The following ADAMTSL1 variants were observed in gnomAD, a reference collection of about 807,000 sequenced individuals.
ADAMTSL1 encodes ADAMTS-like protein 1.
ADAMTSL1 carries 126 observed loss-of-function variants against 201.8 expected under a neutral mutation model. The ratio of observed to expected loss-of-function variants is 0.62; its 90% CI spans 0.54 to 0.72. The LOEUF is 0.72. Ranked by LOEUF, ADAMTSL1 falls within the 30% of genes least tolerant of loss-of-function variation. The pLI is 0.00. For missense variants in ADAMTSL1, 2,679 were observed against 2,277.8 expected, an observed-to-expected ratio of 1.18 and a Z score of -3.59; for synonymous variants, 1,121 against 903.4, an observed-to-expected ratio of 1.24 and a Z score of -4.32.
chr9:18,177,434 C>T (rs946638331), intron 2 of ADAMTSL1, among the ~76,000 whole-genome samples: 5 of 152,144 alleles, frequency 3.3e-5, no homozygotes, highest in African/African-American at 9.7e-5. Flanking sequence ...TTAAGTCCAC[C>T]GTATGTGCCT....
intron 2 of ADAMTSL1, among the ~76,000 whole-genome samples, chr9:18,253,032 A>G (rs1831528042): frequency 6.6e-6 from 1 of 152,194 alleles, no homozygotes; most frequent in Non-Finnish European, 1.5e-5. Flanking sequence ...TGTCCATACT[A>G]TGGAATACTG....
intron 2 of ADAMTSL1, among the ~76,000 whole-genome samples, chr9:18,518,288 C>G (rs1394470830): frequency 1.3e-5 from 2 of 152,092 alleles, no homozygotes; most frequent in African/African-American, 4.8e-5. Flanking sequence ...TTTTTCCACC[C>G]CGCCCCCCAA....
intron 3 of ADAMTSL1, among the ~76,000 whole-genome samples, chr9:18,563,661 G>C (rs10963636): frequency 0.6 from 91,988 of 152,126 alleles, 28,006 homozygotes; most frequent in East Asian, 0.75. Flanking sequence ...GGAGTTTGAT[G>C]TGTAAGCCCC....
chr9:18,489,914 C>T (rs1397907829), intron 1 of ADAMTSL1, among the ~76,000 whole-genome samples: 2 of 152,060 alleles, frequency 1.3e-5, no homozygotes, highest in Non-Finnish European at 2.9e-5. Context: ...CCCTTTTTTC[C>T]TAAAATGCCC....
At chr9:18,006,027 A>G (rs538216340) in intron 1 of ADAMTSL1, among the ~76,000 whole-genome samples, 1 of 152,084 alleles carries the variant, frequency 6.6e-6, no homozygotes, top group South Asian at 2.1e-4. Flanking sequence ...ATGGTAAAGT[A>G]CACCATATAT....
chr9:18,681,753 G>T, intron 11 of ADAMTSL1, 59 bp from the exon 12 acceptor site: 1 of 1,358,310 alleles, frequency 7.4e-7, no homozygotes, highest in Non-Finnish European at 9.8e-7. Context: ...GATGGGAAGT[G>T]AAGAAAAGTA....
chr9:18,297,645 A>T (rs1833526290), intron 2 of ADAMTSL1, among the ~76,000 whole-genome samples: 1 of 152,212 alleles, frequency 6.6e-6, no homozygotes, highest in East Asian at 1.9e-4. Context: ...AGAGCCTGCC[A>T]TCTGTCTTTC....
chr9:18,585,516 G>A (rs1384786332), intron 4 of ADAMTSL1, among the ~76,000 whole-genome samples: 1 of 152,008 alleles, frequency 6.6e-6, no homozygotes, highest in African/African-American at 2.4e-5. Context: ...TGAGGAAATT[G>A]AGGCTCATAG....
At chr9:18,341,692 G>T (rs1016665860) in intron 2 of ADAMTSL1, among the ~76,000 whole-genome samples, 1 of 152,078 alleles carries the variant, frequency 6.6e-6, no homozygotes, top group African/African-American at 2.4e-5. Flanking sequence ...AATTAAGTCA[G>T]TAAAACTTGT....
At chr9:18,752,543 G>T (rs1819524785) in intron 15 of ADAMTSL1, among the ~76,000 whole-genome samples, 3 of 152,330 alleles carry the variant, frequency 2.0e-5, no homozygotes, top group Admixed American at 2.0e-4. Flanking sequence ...GGCTGCATCA[G>T]CAGGGAAATG....
At chr9:18,058,297 G>T (rs1195089876) in intron 1 of ADAMTSL1, among the ~76,000 whole-genome samples, 1 of 152,154 alleles carries the variant, frequency 6.6e-6, no homozygotes, top group Non-Finnish European at 1.5e-5. Context: ...AGATGCTAGA[G>T]AAATCTATCT....
chr9:18,417,603 A>G (rs926706817), intron 2 of ADAMTSL1, among the ~76,000 whole-genome samples: 3 of 152,052 alleles, frequency 2.0e-5, no homozygotes, highest in African/African-American at 7.2e-5. Flanking sequence ...ACTACAAACA[A>G]CTCTGCTCAT....
Position 18,415,832 on chromosome 9 carries a change from A to C in ADAMTSL1, c.208-88997A>C, listed in dbSNP as rs183618040. Among the ~76,000 whole-genome samples the C allele has an allele frequency of 2.1e-3, 323 of 152,234 alleles. 3 individuals are homozygous for C. Among genetic ancestry groups the C allele is most frequent in the African/African-American group, 7.6e-3 (314 of 41,574 alleles). On this transcript the variant is annotated intron_variant, in intron 2 of 29. Transcript: ENST00000680146. ...AAATGACATTTTATATAGAGAAGCA[A>C]AGTTAAATATGACAGCAGATTTCTC...
chr9:18,467,340 C>T (rs896097682), intron 2 of ADAMTSL1, among the ~76,000 whole-genome samples: 1 of 152,120 alleles, frequency 6.6e-6, no homozygotes, highest in Non-Finnish European at 1.5e-5. Context: ...TTTGCCACCA[C>T]AGAGGAAAAT....
chr9:18,294,173 T>A (rs1833381476), intron 2 of ADAMTSL1, among the ~76,000 whole-genome samples: 1 of 152,188 alleles, frequency 6.6e-6, no homozygotes, highest in African/African-American at 2.4e-5. Flanking sequence ...CCAAAAATCG[T>A]CTGATTCCCA....
chr9:18,872,835 G>GT (rs1306125135), intron 23 of ADAMTSL1, among the ~76,000 whole-genome samples: 4 of 152,124 alleles, frequency 2.6e-5, no homozygotes, highest in Non-Finnish European at 2.9e-5. Flanking sequence ...ATAAAGACTT[G>GT]TTTTCGTCTG....
chr9:18,862,556 C>G (rs981037147), intron 23 of ADAMTSL1, among the ~76,000 whole-genome samples: 2 of 152,178 alleles, frequency 1.3e-5, no homozygotes, highest in African/African-American at 4.8e-5. Flanking sequence ...CTATTTCAGA[C>G]CAAATGTGAA....
chr9:18,794,020 T>C (rs1192697629), intron 19 of ADAMTSL1, among the ~76,000 whole-genome samples: 1 of 148,400 alleles, frequency 6.7e-6, no homozygotes. Flanking sequence ...TTTAAGTCTT[T>C]TCAGATTAAA....
intron 1 of ADAMTSL1, among the ~76,000 whole-genome samples, chr9:17,953,535 C>T (rs1827809996): frequency 6.6e-6 from 1 of 152,122 alleles, no homozygotes; most frequent in Non-Finnish European, 1.5e-5. Flanking sequence ...ATCGTCGTTC[C>T]TAAAAGCAAA....
Sources: allele counts gnomAD v4.1 joint callset (sites outside exome capture counted in the v4.1 genomes callset), GRCh38; gene constraint gnomAD v4.1.1; transcripts MANE v1.5; gene names NCBI Gene and HGNC (gene_info 2026-07-23, HGNC 2026-07-21).